Variants in SPATS2 observed in about 807,000 individuals in gnomAD.
The protein encoded by SPATS2 is spermatogenesis-associated serine-rich protein 2.
Under a neutral mutation model 63.7 loss-of-function variants are expected in SPATS2, and 38 were observed. The observed-to-expected ratio is 0.60, with a 90% CI of 0.46 to 0.78. The LOEUF is 0.78. Among genes scored for constraint, SPATS2 ranks in the 30% least tolerant of loss-of-function variants. The pLI, the probability that SPATS2 is intolerant of heterozygous loss-of-function variation, is 0.00. For missense variants in SPATS2, 588 were observed against 666.2 expected (o/e 0.88, Z 1.29); for synonymous variants, 207 against 232.9 (o/e 0.89, Z 1.01).
intron 9 of SPATS2, among the ~76,000 whole-genome samples, chr12:49,507,625 T>C (rs2137996059): frequency 6.6e-6 from 1 of 152,374 alleles, no homozygotes; most frequent in African/African-American, 2.4e-5. Flanking sequence ...GTAATTTTTA[T>C]TTCCTGCGTT....
At chr12:49,393,833 T>C (rs1339424559) in intron 2 of SPATS2, among the ~76,000 whole-genome samples, 2 of 152,084 alleles carry the variant, frequency 1.3e-5, no homozygotes, top group Non-Finnish European at 1.5e-5. Flanking sequence ...CAGGCCACCA[T>C]GTCCTGCTAT....
chr12:49,490,394 T>C (rs562890481), intron 5 of SPATS2: 1 of 348,322 alleles, frequency 2.9e-6, no homozygotes, highest in Admixed American at 4.5e-5. Context: ...TGGTCTAAGA[T>C]GTATGGATAA....
chr12:49,516,583 G>A (rs1277231673), intron 10 of SPATS2, among the ~76,000 whole-genome samples: 3 of 151,696 alleles, frequency 2.0e-5, no homozygotes, highest in Non-Finnish European at 4.4e-5. Context: ...GCATGCGCCT[G>A]TAGTCCCAGC....
At chr12:49,511,152 C>T (rs1404419744) in intron 9 of SPATS2, among the ~76,000 whole-genome samples, 2 of 148,944 alleles carry the variant, frequency 1.3e-5, no homozygotes, top group Non-Finnish European at 3.0e-5. Context: ...CATGAGCCAA[C>T]ATCATGCTAT....
chr12:49,503,090 T>C (rs1047990822), intron 9 of SPATS2, among the ~76,000 whole-genome samples: 7 of 152,228 alleles, frequency 4.6e-5, no homozygotes, highest in African/African-American at 1.7e-4. Context: ...CAGTGGCTCA[T>C]GCCTGAATCC....
intron 2 of SPATS2, among the ~76,000 whole-genome samples, chr12:49,449,782 C>T (rs1399337492): frequency 2.0e-5 from 3 of 152,178 alleles, no homozygotes; most frequent in African/African-American, 7.2e-5. Context: ...ATTGGGGAAA[C>T]TGCCCCATGA....
chr12:49,382,997 G>T (rs1024116399), intron 2 of SPATS2, among the ~76,000 whole-genome samples: 1 of 151,590 alleles, frequency 6.6e-6, no homozygotes, highest in Admixed American at 6.6e-5. Flanking sequence ...GAGCCACTGC[G>T]CCCGGCCTTT....
intron 3 of SPATS2, among the ~76,000 whole-genome samples, chr12:49,477,590 A>G (rs1946139598): frequency 6.6e-6 from 1 of 152,228 alleles, no homozygotes. Flanking sequence ...CGGAGAGGAT[A>G]CGTGTAGTTT....
chr12:49,451,167 C>T (rs914752152), intron 2 of SPATS2, among the ~76,000 whole-genome samples: 13 of 152,068 alleles, frequency 8.5e-5, no homozygotes, highest in African/African-American at 2.4e-4. Context: ...CCACCATGCC[C>T]GGCCAGGTAT....
chr12:49,449,209 T>A (rs1945572187), intron 2 of SPATS2, among the ~76,000 whole-genome samples: 1 of 152,088 alleles, frequency 6.6e-6, no homozygotes, highest in South Asian at 2.1e-4. Context: ...TCTGTTTTTT[T>A]TGTTTGTTTG....
chr12:49,508,602 A>G (rs2138002828), intron 9 of SPATS2, among the ~76,000 whole-genome samples: 1 of 152,070 alleles, frequency 6.6e-6, no homozygotes, highest in Non-Finnish European at 1.5e-5. Context: ...TTTTATTTTA[A>G]TTTTTATGTT....
At chr12:49,387,417 G>A (rs925111782) in intron 2 of SPATS2, among the ~76,000 whole-genome samples, 13 of 151,700 alleles carry the variant, frequency 8.6e-5, no homozygotes, top group South Asian at 4.2e-4. Context: ...TGGGTGGATC[G>A]CCTGGGGTTA....
At chr12:49,509,855 C>CT (rs1239077400) in intron 9 of SPATS2, among the ~76,000 whole-genome samples, 1 of 149,980 alleles carries the variant, frequency 6.7e-6, no homozygotes, top group Non-Finnish European at 1.5e-5. Flanking sequence ...TGGCAATTCT[C>CT]TTTTTTGGTT....
chr12:49,438,919 C>T (rs1252686517), intron 2 of SPATS2, among the ~76,000 whole-genome samples: 1 of 152,042 alleles, frequency 6.6e-6, no homozygotes, highest in Non-Finnish European at 1.5e-5. Context: ...CTCATGGAGT[C>T]CAAGTTCTTG....
At chr12:49,453,045 G>C (rs1230656373) in intron 2 of SPATS2, among the ~76,000 whole-genome samples, 1 of 151,712 alleles carries the variant, frequency 6.6e-6, no homozygotes, top group Non-Finnish European at 1.5e-5. Context: ...TGTAGTCCCA[G>C]CTACTCGGGA....
intron 2 of SPATS2, among the ~76,000 whole-genome samples, chr12:49,385,874 G>T (rs1305387762): frequency 1.4e-4 from 20 of 139,906 alleles, no homozygotes; most frequent in East Asian, 8.2e-4. Flanking sequence ...TTTGTTTTTT[G>T]TTTTTTTTTT....
At chr12:49,523,258 T>G (rs762839533) in intron 12 of SPATS2, among the ~76,000 whole-genome samples, 3 of 152,052 alleles carry the variant, frequency 2.0e-5, no homozygotes, top group Non-Finnish European at 4.4e-5. Flanking sequence ...GAGGATCACT[T>G]TAGCCCAGGA....
At position 49,489,119 on chromosome 12, in the gene SPATS2, C is replaced by CT. The variant is rs539534280; in HGVS notation, c.106-343dup. ...TTGTTATTGTTGCTAGTTCATTTACCTTTCCACCTTTCTTTACAGTATGCT... is the reference window on the plus strand; with the variant it reads ...TTGTTATTGTTGCTAGTTCATTTACCTTTTCCACCTTTCTTTACAGTATGCT... On this transcript the variant is annotated intron_variant, in intron 4 of 13. Coordinates refer to ENST00000552918, the MANE Select transcript of SPATS2 (RefSeq NM_023071.4). 1.2e-3 allele frequency among the ~76,000 whole-genome samples: 189 copies of CT among 152,210 alleles called. 1 individual carries two copies. The highest frequency in any genetic ancestry group is 3.4e-3 in the Middle Eastern group (1 of 294).
intron 6 of SPATS2, among the ~76,000 whole-genome samples, chr12:49,492,411 A>C (rs566375474): frequency 4.1e-5 from 6 of 147,658 alleles, no homozygotes; most frequent in African/African-American, 1.6e-4. Flanking sequence ...TAGTAGAGAC[A>C]GGGTTTCACC....
Sources: allele counts gnomAD v4.1 joint callset (sites outside exome capture counted in the v4.1 genomes callset), GRCh38; gene constraint gnomAD v4.1.1; transcripts MANE v1.5; gene names NCBI Gene and HGNC (gene_info 2026-07-23, HGNC 2026-07-21).